The following SLC36A2 variants were observed in gnomAD, a reference collection of about 807,000 sequenced individuals.
SLC36A2 encodes solute carrier family 36 member 2, also known as proton-coupled amino acid transporter 2.
SLC36A2 carries 39 observed loss-of-function variants against 42.7 expected under a neutral mutation model. That is an observed-to-expected ratio of 0.91 (90% CI 0.71 to 1.19). SLC36A2 has a LOEUF of 1.19. Among genes scored for constraint, SLC36A2 ranks in the 50% most tolerant of loss-of-function variants. The pLI is 0.00. For missense variants in SLC36A2, 590 were observed against 613.7 expected, an observed-to-expected ratio of 0.96 and a Z score of 0.41; for synonymous variants, 237 against 240.8, an observed-to-expected ratio of 0.98 and a Z score of 0.15.
rs33912867 is a variant in SLC36A2 at position 151,316,740 on chromosome 5, C to CAAAAAA, written c.*71_*76dup. Reference sequence around the variant, plus strand: ...GGGCAACAAGACAGAAACTCCGTCTCAAAAAAAAAAAAAAAAAAAAAAAGA... The same window carrying CAAAAAA: ...GGGCAACAAGACAGAAACTCCGTCTCAAAAAAAAAAAAAAAAAAAAAAAAAAAAAGA... On this transcript the variant is annotated 3_prime_UTR_variant, in exon 10 of 10. Transcript: ENST00000335244. 6.8e-4 allele frequency: 611 copies of CAAAAAA among 894,954 alleles called. 4 individuals are homozygous for CAAAAAA. The highest frequency in any genetic ancestry group is 3.5e-3 in the East Asian group (88 of 25,230). The allele number at this position is 894,954 out of a possible 1,614,324, so 55.4% of individuals were successfully genotyped here. A position where few individuals can be genotyped will look rare whatever the true frequency, so the allele number is the denominator to read the frequency against.
At chr5:151,320,612 A>G (rs192422412) in intron 9 of SLC36A2, among the ~76,000 whole-genome samples, 15 of 152,216 alleles carry the variant, frequency 9.9e-5, no homozygotes, top group Admixed American at 3.3e-4. Flanking sequence ...AGAAAGGGGT[A>G]CTCCGGGTCA....
chr5:151,318,411 AAAATAATAT>A (rs1755564991), intron 9 of SLC36A2, among the ~76,000 whole-genome samples: 3 of 144,808 alleles, frequency 2.1e-5, no homozygotes, highest in South Asian at 2.1e-4. Flanking sequence ...TAATAAATAA[AAAATAATAT>A]AAATAATATA....
chr5:151,344,026 C>G, intron 2 of SLC36A2, 151 bp downstream of exon 2: 2 of 756,904 alleles, frequency 2.6e-6, no homozygotes, highest in African/African-American at 1.7e-5. Flanking sequence ...AGCCGGAACT[C>G]AAACCCAGGC....
intron 3 of SLC36A2, 81 bp from the exon 4 acceptor site, chr5:151,343,064 C>A: frequency 9.1e-7 from 1 of 1,101,144 alleles, no homozygotes; most frequent in Non-Finnish European, 1.4e-6. Context: ...AGACACAGAA[C>A]AAGGCAGGAC....
chr5:151,317,688 A>G (rs1189982844), intron 9 of SLC36A2, among the ~76,000 whole-genome samples: 3 of 152,196 alleles, frequency 2.0e-5, no homozygotes, highest in African/African-American at 7.2e-5. Context: ...GTGAGACCCC[A>G]TCTCAAAACA....
At chr5:151,321,925 G>T (rs1307400253) in intron 9 of SLC36A2, 121 bp downstream of exon 9, 1 of 1,287,026 alleles carries the variant, frequency 7.8e-7, no homozygotes, top group Non-Finnish European at 1.1e-6. Context: ...TGATCCACCC[G>T]CCTCGGCCTC....
intron 8 of SLC36A2, 135 bp downstream of exon 8, chr5:151,325,151 T>A: frequency 9.6e-7 from 1 of 1,037,676 alleles, no homozygotes; most frequent in East Asian, 2.6e-5. Flanking sequence ...GAGACCGTGG[T>A]TCCAATGACA....
At chr5:151,343,437 C>T in intron 3 of SLC36A2, 73 bp downstream of exon 3, 1 of 1,409,858 alleles carries the variant, frequency 7.1e-7, no homozygotes, top group Non-Finnish European at 1.0e-6. Flanking sequence ...TTCTATTATG[C>T]ATAGGATGTT....
intron 4 of SLC36A2, among the ~76,000 whole-genome samples, chr5:151,340,206 GGAGGAGGAGGGA>G (rs1246046699): frequency 7.4e-6 from 1 of 135,618 alleles, no homozygotes; most frequent in Admixed American, 6.9e-5. Context: ...GAGGAGGAGA[GGAGGAGGAGGGA>G]GAGGAGGAGG....
rs1246137463 is a variant in SLC36A2 at position 151,339,240 on chromosome 5, T to TA, written c.441-97_441-96insT. On this transcript the variant is annotated intron_variant, in intron 4 of 9. Transcript: ENST00000335244. ...CCATTCTGCCCTCTGTTCCCAGGGA[T>TA]TGGTTGCCCTGTACCAGCACACTTG... 1.5e-4 allele frequency: 136 copies of TA among 886,932 alleles called. 1 individual carries two copies. The Middle Eastern group carries it at 1.7e-3, about 11-fold the overall frequency. The allele number at this position is 886,932 out of a possible 1,614,324, so 54.9% of individuals were successfully genotyped here. A position where few individuals can be genotyped will look rare whatever the true frequency, so the allele number is the denominator to read the frequency against.
At chr5:151,343,892 C>T (rs1034170159) in intron 2 of SLC36A2, among the ~76,000 whole-genome samples, 86 of 152,140 alleles carry the variant, frequency 5.7e-4, no homozygotes, top group Non-Finnish European at 3.2e-4. Flanking sequence ...CCAAGGGGAC[C>T]TGGTGTTCTA....
At chr5:151,347,178 A>C in intron 1 of SLC36A2, 119 bp downstream of exon 1, 1 of 1,282,308 alleles carries the variant, frequency 7.8e-7, no homozygotes, top group Non-Finnish European at 1.1e-6. Context: ...CACCTTTTGC[A>C]ACCTTGGTTT....
chr5:151,343,623 G>T (rs751625889), intron 2 of SLC36A2, 25 bp from the exon 3 acceptor site: 2 of 1,594,654 alleles, frequency 1.3e-6, no homozygotes, highest in Non-Finnish European at 1.7e-6. Flanking sequence ...GGCAAGGGGC[G>T]AGGGAGGAGA....
Position 151,316,763 on chromosome 5 carries a change from A to AAC in SLC36A2, c.*53_*54insGT. 6 of 1,490,264 alleles carry AAC rather than the reference A, an allele frequency of 4.0e-6. No homozygotes were observed. The highest frequency in any genetic ancestry group is 2.3e-5 in the East Asian group (1 of 43,792). The allele number at this position is 1,490,264 out of a possible 1,614,324, so 92.3% of individuals were successfully genotyped here. On this transcript the variant is annotated 3_prime_UTR_variant, in exon 10 of 10. Transcript: ENST00000335244. ...CTCAAAAAAAAAAAAAAAAAAAAAA[A>AAC]GAGATCCATATAATTAAAAGTCGGG...
intron 7 of SLC36A2, among the ~76,000 whole-genome samples, chr5:151,332,124 C>T (rs1247310129): frequency 1.3e-5 from 2 of 152,108 alleles, no homozygotes; most frequent in Non-Finnish European, 2.9e-5. Flanking sequence ...GCCTCGGCCT[C>T]CCAAAGTGCT....
chr5:151,321,495 T>C (rs1755688095), intron 9 of SLC36A2, among the ~76,000 whole-genome samples: 2 of 152,048 alleles, frequency 1.3e-5, no homozygotes, highest in African/African-American at 4.8e-5. Flanking sequence ...GTTCTTACAG[T>C]TATTGTTTGA....
rs559821596 is a variant in SLC36A2, at chr5:151,347,309, GTCT to G, written c.149_151del (p.Lys50del). 3.6e-3 allele frequency: 5,827 copies of G among 1,614,192 alleles called. 15 individuals carry two copies. Among genetic ancestry groups the G allele is most frequent in the Non-Finnish European group, 4.5e-3 (5,353 of 1,180,016 alleles). On this transcript the variant is annotated inframe_deletion, in exon 1 of 10. Coordinates refer to ENST00000335244, the MANE Select transcript of SLC36A2 (RefSeq NM_181776.3). ...AAACAGCACTCACGTTATGCCCTTG[GTCT>G]TCTTCAAGCCTGCTGACTCTGAAGG... is the stretch of plus-strand genomic sequence containing the variant.
Position 151,317,105 on chromosome 5 carries a change from G to C in SLC36A2, c.1181-17C>G. 6.2e-7 allele frequency: 1 copy of C among 1,613,262 alleles called. No individual in the cohort carries two copies. The highest frequency in any genetic ancestry group is 8.5e-7 in the Non-Finnish European group (1 of 1,179,674). ...CCAGGAGGCCTGCAGGGAGAGGATA[G>C]TGGAGAGATGGAGCATTCCAGGCTT... On this transcript the variant is annotated splice_polypyrimidine_tract_variant and intron_variant, in intron 9 of 9. Coordinates refer to ENST00000335244, the MANE Select transcript of SLC36A2 (RefSeq NM_181776.3).
rs74892307 is a variant in SLC36A2 at position 151,327,811 on chromosome 5, C to T, written c.844-2359G>A. 3.7e-3 allele frequency among the ~76,000 whole-genome samples: 570 copies of T among 152,226 alleles called. 7 individuals carry two copies. The highest frequency in any genetic ancestry group is 0.013 in the African/African-American group (534 of 41,536). ...AAAGAGATAAATGGCTGTTGACGTACAGTGGGAAGGTCCCTGGATGGAGAG... is the reference window on the plus strand; with the variant it reads ...AAAGAGATAAATGGCTGTTGACGTATAGTGGGAAGGTCCCTGGATGGAGAG... On this transcript the variant is annotated intron_variant, in intron 7 of 9. Coordinates refer to ENST00000335244, the MANE Select transcript of SLC36A2 (RefSeq NM_181776.3).
Sources: gnomAD v4.1 joint callset for allele counts (sites outside exome capture counted in the v4.1 genomes callset) on GRCh38, gnomAD v4.1.1 for gene constraint, MANE v1.5 for transcripts, NCBI Gene and HGNC (gene_info 2026-07-23, HGNC 2026-07-21) for gene names.